CASKIN2: variants seen among roughly 807,000 people sequenced by gnomAD.
The protein encoded by CASKIN2 is CASK interacting protein 2, also known as caskin-2.
Under a neutral mutation model 107.1 loss-of-function variants are expected in CASKIN2, and 41 were observed. The observed-to-expected ratio is 0.38, with a 90% CI of 0.30 to 0.50. The LOEUF (loss-of-function observed/expected upper bound fraction) is 0.50. Ranked by LOEUF, CASKIN2 falls within the 20% of genes least tolerant of loss-of-function variation. The pLI, the probability that CASKIN2 is intolerant of heterozygous loss-of-function variation, is 0.92. For synonymous variants in CASKIN2, 724 were observed against 705.6 expected, an observed-to-expected ratio of 1.03 and a Z score of -0.41; for missense variants, 1,546 against 1,657.4, an observed-to-expected ratio of 0.93 and a Z score of 1.17.
rs2053271374 is a variant in CASKIN2 at position 75,506,897 on chromosome 17, G to A, written c.391-3C>T. 1 of 1,610,984 alleles carries A rather than the reference G, an allele frequency of 6.2e-7. No individual in the cohort carries two copies. The highest frequency in any genetic ancestry group is 8.5e-7 in the Non-Finnish European group (1 of 1,178,668). On this transcript the variant is annotated splice_polypyrimidine_tract_variant and splice_region_variant and intron_variant, in intron 5 of 19. Transcript: ENST00000321617. The surrounding 1 kb of genome is among the most constrained non-coding windows in gnomAD (Gnocchi z 4.8). ...TGATGCTGGAGGAGCATTTCTGACT[G>A]GGGTTGGGGGAGCCGAGTGAGGGGG...
rs190782094 is a variant in CASKIN2, at chr17:75,500,750, C to T, written c.*330G>A. 6.0e-5 allele frequency: 19 copies of T among 316,340 alleles called. No homozygotes were observed. The highest frequency in any genetic ancestry group is 9.4e-5 in the Admixed American group (2 of 21,342). 19.6% of individuals were successfully genotyped at this position (316,340 alleles called of 1,614,324 possible). On this transcript the variant is annotated 3_prime_UTR_variant, in exon 20 of 20. Transcript: ENST00000321617. ...GGGCTGGGGGGTACAGAGAAAGCAC[C>T]CCCAAAGCCCCACCCCTACTTCCTC...
rs775171641 is a variant in CASKIN2, at chr17:75,513,675, G to A, written c.94+36C>T. 9.1e-6 allele frequency: 13 copies of A among 1,435,070 alleles called. No homozygotes were observed. In the Admixed American group the frequency reaches 1.0e-4, roughly 11 times the overall value. 88.9% of individuals were successfully genotyped at this position (1,435,070 alleles called of 1,614,324 possible). ...CCAAGCCTCTGTGAACTGAGCGCTC[G>A]GCCTCAGCGGGATGCTCGTCCCACC... On this transcript the variant is annotated intron_variant, in intron 2 of 19. Transcript: ENST00000321617.
chr17:75,504,787 A>G, intron 11 of CASKIN2, 25 bp downstream of exon 11: 1 of 1,597,646 alleles, frequency 6.3e-7, no homozygotes, highest in Non-Finnish European at 8.5e-7. Context: ...CACAGTGCCC[A>G]GCACTGCCCC....
intron 2 of CASKIN2, among the ~76,000 whole-genome samples, chr17:75,511,351 A>G (rs1163923004): frequency 1.3e-5 from 2 of 152,062 alleles, no homozygotes; most frequent in Non-Finnish European, 2.9e-5. Context: ...TAAAAAGAAA[A>G]GAACAGAACA....
intron 4 of CASKIN2, 31 bp downstream of exon 4, chr17:75,507,553 G>A (rs1220943486): frequency 6.4e-7 from 1 of 1,557,156 alleles, no homozygotes; most frequent in Non-Finnish European, 8.8e-7. Flanking sequence ...ACCTGCCCAG[G>A]GTGGGGGTCG....
Position 75,501,501 on chromosome 17 carries a change from G to C in CASKIN2, c.3485C>G (p.Ala1162Gly). 1 of 1,612,164 alleles carries C rather than the reference G, an allele frequency of 6.2e-7. No homozygotes were observed. Among genetic ancestry groups the C allele is most frequent in the Non-Finnish European group, 8.5e-7 (1 of 1,179,330 alleles). ...SSSLAAALRA[A>G]EKSIGTKEQE... Reference sequence around the variant, plus strand: ...CTCCTTGGTGCCAATGCTCTTCTCTGCGGCTCTCAGTGCAGCTGCCAGGGA... The same window carrying C: ...CTCCTTGGTGCCAATGCTCTTCTCTCCGGCTCTCAGTGCAGCTGCCAGGGA... Residue 1162 changes from alanine (A) to glycine (G), a missense_variant, in exon 19 of 20, where the codon GCA becomes GGA. Physicochemically the swap from Ala to Gly is moderately conservative, Grantham distance 60 (BLOSUM62 0). This residue lies in a region of CASKIN2 where 1,311 missense variants were observed against 1,311.0 expected (regional missense o/e 1.00). Transcript: ENST00000321617.
rs1243919664 is a variant in CASKIN2, at chr17:75,505,080, C to T, written c.931-7G>A. On this transcript the variant is annotated splice_polypyrimidine_tract_variant and splice_region_variant and intron_variant, in intron 10 of 19. Coordinates refer to ENST00000321617, the MANE Select transcript of CASKIN2 (RefSeq NM_020753.5). The surrounding 1 kb of genome is among the most constrained non-coding windows in gnomAD (Gnocchi z 5.1). ...CGGGATGCTGTTCTAGCACCTGCGG[C>T]CAGGGGTGGGGGGCGGGGACGGTCA... 2 of 1,607,908 alleles carry T rather than the reference C, an allele frequency of 1.2e-6. No homozygotes were observed. Among genetic ancestry groups the T allele is most frequent in the Non-Finnish European group, 8.5e-7 (1 of 1,178,836 alleles).
chr17:75,505,151 G>T lies in CASKIN2; in HGVS notation c.931-78C>A. The T allele has an allele frequency of 6.7e-7, 1 of 1,492,774 alleles. No homozygotes were observed. Among genetic ancestry groups the T allele is most frequent in the Non-Finnish European group, 9.2e-7 (1 of 1,088,452 alleles). 92.5% of individuals were successfully genotyped at this position (1,492,774 alleles called of 1,614,324 possible). A position where few individuals can be genotyped will look rare whatever the true frequency, so the allele number is the denominator to read the frequency against. ...GCAAACGGTTGTCCCTGCAGCTGCG[G>T]TCCGGCAACCCTGGTCCAGCTCTTT... is the stretch of plus-strand genomic sequence containing the variant. On this transcript the variant is annotated intron_variant, in intron 10 of 19. Transcript: ENST00000321617. The surrounding 1 kb of genome is among the most constrained non-coding windows in gnomAD (Gnocchi z 5.1).
chr17:75,508,663 G>T (rs1214842803), intron 2 of CASKIN2, among the ~76,000 whole-genome samples: 1 of 152,224 alleles, frequency 6.6e-6, no homozygotes, highest in African/African-American at 2.4e-5. Context: ...GGGCCGAGGG[G>T]TGGGGAGAGA....
At position 75,514,100 on chromosome 17, in the gene CASKIN2, C is replaced by T; in HGVS notation, c.-296G>A. ...CCGACAGCTCCAGGATGGGCTGGGA[C>T]TGGGCACACCAATCTTCCCGGCTTG... On this transcript the variant is annotated 5_prime_UTR_variant, in exon 2 of 20. Transcript: ENST00000321617. The T allele has an allele frequency of 1.8e-6, 1 of 548,776 alleles. No homozygotes were observed. Among genetic ancestry groups the T allele is most frequent in the Non-Finnish European group, 3.2e-6 (1 of 309,790 alleles). The allele number at this position is 548,776 out of a possible 1,614,324, so 34.0% of individuals were successfully genotyped here.
Position 75,502,050 on chromosome 17 carries a change from G to A in CASKIN2, c.3024C>T (p.Ala1008=). Residue 1008 remains alanine (A), a synonymous_variant, in exon 18 of 20, where the codon GCC becomes GCT. Transcript: ENST00000321617. This position sits in a 1 kb window ranked among gnomAD's most constrained non-coding sequence, Gnocchi z 4.3. Reference sequence around the variant, plus strand: ...CAGGCGTGGCACTGGCCACTCCGAAGGCCAGCAGTGCGGTCTGCAGTGGCT... The same window carrying A: ...CAGGCGTGGCACTGGCCACTCCGAAAGCCAGCAGTGCGGTCTGCAGTGGCT... The part of the protein sequence containing the change: ...EREPLQTALL[A]FGVASATPGP... The A allele has an allele frequency of 6.2e-7, 1 of 1,612,546 alleles. No individual in the cohort carries two copies. The highest frequency in any genetic ancestry group is 2.2e-5 in the East Asian group (1 of 44,874).
chr17:75,502,868 T>G lies in CASKIN2; in HGVS notation c.2206A>C (p.Thr736Pro). The change falls in exon 18 of 20, where the codon ACA becomes CCA. Residue 736 changes from threonine (T) to proline (P), a missense_variant. Around this residue, in one of 6 missense-constraint regions of CASKIN2, gnomAD observed 1,311 missense variants for 1,311.0 expected, o/e 1.00. Transcript: ENST00000321617. The surrounding 1 kb of genome is among the most constrained non-coding windows in gnomAD (Gnocchi z 4.3). ...PPQERNLPEGTERPPKLCSSL... is the reference protein window; with the variant it reads ...PPQERNLPEGPERPPKLCSSL... ...GAACAAAGCTTAGGGGGCCGCTCTG[T>G]GCCCTCTGGGAGGTTCCTCTCCTGG... 6.5e-7 allele frequency: 1 copy of G among 1,544,286 alleles called. No individual in the cohort carries two copies. Among genetic ancestry groups the G allele is most frequent in the African/African-American group, 1.4e-5 (1 of 72,904 alleles).
Position 75,505,781 on chromosome 17 carries a change from C to A in CASKIN2, c.835+40G>T. The A allele has an allele frequency of 6.3e-7, 1 of 1,595,464 alleles. No individual in the cohort carries two copies. The highest frequency in any genetic ancestry group is 1.3e-5 in the African/African-American group (1 of 74,608). On this transcript the variant is annotated intron_variant, in intron 9 of 19. Coordinates refer to ENST00000321617, the MANE Select transcript of CASKIN2 (RefSeq NM_020753.5). This position sits in a 1 kb window ranked among gnomAD's most constrained non-coding sequence, Gnocchi z 5.1. ...CCACATCCTGGTACCACTTGAGCGGCCCCAGGCCCCCTGGGCAGGGTATCC... is the reference window on the plus strand; with the variant it reads ...CCACATCCTGGTACCACTTGAGCGGACCCAGGCCCCCTGGGCAGGGTATCC...
rs2146981274 is a variant in CASKIN2, at chr17:75,502,434, A to G, written c.2640T>C (p.Ser880=). 4 of 1,417,308 alleles carry G rather than the reference A, an allele frequency of 2.8e-6. No individual in the cohort carries two copies. The highest frequency in any genetic ancestry group is 3.7e-6 in the Non-Finnish European group (4 of 1,086,480). The allele number at this position is 1,417,308 out of a possible 1,614,324, so 87.8% of individuals were successfully genotyped here. A position where few individuals can be genotyped will look rare whatever the true frequency, so the allele number is the denominator to read the frequency against. The change falls in exon 18 of 20, where the codon TCT becomes TCC. Residue 880 remains serine (S), a synonymous_variant. Transcript: ENST00000321617. This position sits in a 1 kb window ranked among gnomAD's most constrained non-coding sequence, Gnocchi z 4.3. The stretch of plus-strand genomic sequence containing the variant: ...GTGGAGGTGGCTCCGGGCTGGGGCC[A>G]GAGACGGAGCTGAGGCGCTTGGGGG... ...PPPPKRLSSV[S]GPSPEPPPLD...
Position 75,504,614 on chromosome 17 carries a change from G to A in CASKIN2, c.1272C>T (p.Gly424=). 1 of 1,608,014 alleles carries A rather than the reference G, an allele frequency of 6.2e-7. No homozygotes were observed. Among genetic ancestry groups the A allele is most frequent in the Non-Finnish European group, 8.5e-7 (1 of 1,176,260 alleles). The change falls in exon 12 of 20, where the codon GGC becomes GGT. Residue 424 remains glycine, a synonymous_variant. Transcript: ENST00000321617. The part of the protein sequence containing the change: ...RSAGSGQSSE[G]TNGHGPGLLI... ...GGAGGCCAGGGCCATGGCCATTAGT[G>A]CCCTCAGAGCTCTGCCCGCTGCCGG... is the stretch of plus-strand genomic sequence containing the variant.
chr17:75,504,034 G>GC, intron 14 of CASKIN2, 72 bp from the exon 15 acceptor site: 1 of 1,408,994 alleles, frequency 7.1e-7, no homozygotes, highest in Non-Finnish European at 9.8e-7. Flanking sequence ...AGGGGCTCAG[G>GC]ACCTGCCTGA....
chr17:75,504,283 C>T lies in CASKIN2; in HGVS notation c.1399G>A (p.Ala467Thr). ...LADNLSHRPL[A>T]NCRSGEQIFT... ...ATCTGCTCCCCAGAGCGGCAGTTGG[C>T]CAGAGGGCGGTGGCTCAGGTTGTCT... Residue 467 changes from alanine (A) to threonine (T), a missense_variant, in exon 14 of 20, where the codon GCC (alanine) becomes ACC (threonine). Ala to Thr is a moderately conservative substitution (Grantham distance 58). Around this residue, in one of 6 missense-constraint regions of CASKIN2, gnomAD observed 1,311 missense variants for 1,311.0 expected, o/e 1.00. Transcript: ENST00000321617. 1 of 1,607,410 alleles carries T rather than the reference C, an allele frequency of 6.2e-7. No individual in the cohort carries two copies. The highest frequency in any genetic ancestry group is 8.5e-7 in the Non-Finnish European group (1 of 1,177,454).
chr17:75,502,378 G>T lies in CASKIN2; in HGVS notation c.2696C>A (p.Ala899Asp). ...CAGTGTTCGCCTTCGGGGCCCTGTG[G>T]CCCCTTCCTTGGGCCCTGGGCTCTC... ...LDESPGPKEG[A>D]TGPRRRTLSE... Residue 899 changes from alanine to aspartate, a missense_variant, in exon 18 of 20, where the codon GCC becomes GAC. Transcript: ENST00000321617. This position sits in a 1 kb window ranked among gnomAD's most constrained non-coding sequence, Gnocchi z 4.3. 1 of 1,476,226 alleles carries T rather than the reference G, an allele frequency of 6.8e-7. No individual in the cohort carries two copies. The highest frequency in any genetic ancestry group is 2.6e-5 in the Admixed American group (1 of 39,060). The allele number at this position is 1,476,226 out of a possible 1,614,324, so 91.4% of individuals were successfully genotyped here.
In CASKIN2 at chr17:75,506,480, G is replaced by T; in HGVS notation, c.618-67C>A. ...GGGGGTGCTGACTGCTGGGGGCCTG[G>T]GAGATGGAGAGCCCGGGTGAAAAGG... On this transcript the variant is annotated intron_variant, in intron 7 of 19. Transcript: ENST00000321617. The surrounding 1 kb of genome is among the most constrained non-coding windows in gnomAD (Gnocchi z 4.8). The T allele has an allele frequency of 6.3e-7, 1 of 1,586,344 alleles. No homozygotes were observed. The highest frequency in any genetic ancestry group is 8.6e-7 in the Non-Finnish European group (1 of 1,163,608).
Sources: gnomAD v4.1 joint callset for allele counts (sites outside exome capture counted in the v4.1 genomes callset) on GRCh38, gnomAD v4.1.1 for gene constraint, gnomAD v4.1.1 regional missense constraint, Gnocchi (gnomAD v3.1) non-coding constraint, MANE v1.5 for transcripts, NCBI Gene and HGNC (gene_info 2026-07-23, HGNC 2026-07-21) for gene names.